The following GNAQ variants were observed in gnomAD, a reference collection of about 807,000 sequenced individuals.
The protein encoded by GNAQ is G protein subunit alpha q.
GNAQ carries 8 observed loss-of-function variants against 43.9 expected under a neutral mutation model. The ratio of observed to expected loss-of-function variants is 0.18; its 90% confidence interval spans 0.11 to 0.33. GNAQ has a LOEUF of 0.33. Ranked by LOEUF, GNAQ falls within the 10% of genes least tolerant of loss-of-function variation. The pLI is 1.00. For synonymous variants in GNAQ, 155 were observed against 170.7 expected, an observed-to-expected ratio of 0.91 and a Z score of 0.71; for missense variants, 158 against 450.8, an observed-to-expected ratio of 0.35 and a Z score of 5.88.
At chr9:77,951,926 C>T (rs1301712225) in intron 1 of GNAQ, among the ~76,000 whole-genome samples, 1 of 152,228 alleles carries the variant, frequency 6.6e-6, no homozygotes, top group Admixed American at 6.5e-5. Context: ...GGACATGGAA[C>T]ACAGCATCCA....
At chr9:78,014,581 G>C (rs1823814421) in intron 1 of GNAQ, among the ~76,000 whole-genome samples, 1 of 152,124 alleles carries the variant, frequency 6.6e-6, no homozygotes, top group Non-Finnish European at 1.5e-5. Flanking sequence ...ACTCCAGCCT[G>C]GGTGACAGAG....
intron 2 of GNAQ, among the ~76,000 whole-genome samples, chr9:77,826,948 A>C (rs1486739908): frequency 6.6e-6 from 1 of 152,188 alleles, no homozygotes; most frequent in Admixed American, 6.5e-5. Context: ...CTGTTACAAA[A>C]ACAATCATTT....
At chr9:77,753,342 A>G (rs1825847750) in intron 5 of GNAQ, among the ~76,000 whole-genome samples, 2 of 152,144 alleles carry the variant, frequency 1.3e-5, no homozygotes, top group Non-Finnish European at 2.9e-5. Flanking sequence ...AGGGTAAGAT[A>G]TGAAATAGCT....
chr9:77,836,714 A>C (rs1028323184), intron 2 of GNAQ, among the ~76,000 whole-genome samples: 3 of 152,220 alleles, frequency 2.0e-5, no homozygotes, highest in Admixed American at 6.5e-5. Flanking sequence ...GTATCTGCTG[A>C]ATCTAGTAGT....
intron 2 of GNAQ, among the ~76,000 whole-genome samples, chr9:77,865,896 A>T (rs150926448): frequency 6.6e-6 from 1 of 152,220 alleles, no homozygotes; most frequent in South Asian, 2.1e-4. Context: ...CACTGAGTCA[A>T]TGGTTACTAA....
chr9:77,881,195 A>AC (rs897205481), intron 2 of GNAQ, among the ~76,000 whole-genome samples: 35 of 150,388 alleles, frequency 2.3e-4, no homozygotes, highest in East Asian at 1.2e-3. Flanking sequence ...TTTATGCCGC[A>AC]CCCCCCCCAA....
chr9:77,929,703 T>A lies in GNAQ; in HGVS notation c.137-7358A>T, dbSNP rs145771060. ...AAAAAAAATTAGCCCGGTGTGGTGA[T>A]GTGCGCCTGTAGTTCCTTCGGGAGG... On this transcript the variant is annotated intron_variant, in intron 1 of 6. Coordinates refer to ENST00000286548, the MANE Select transcript of GNAQ (RefSeq NM_002072.5). 1.7e-3 allele frequency among the ~76,000 whole-genome samples: 257 copies of A among 152,136 alleles called. 1 individual carries two copies. The highest frequency in any genetic ancestry group is 6.0e-3 in the African/African-American group (248 of 41,512).
intron 1 of GNAQ, among the ~76,000 whole-genome samples, chr9:77,954,843 G>A (rs573621504): frequency 1.8e-3 from 273 of 152,230 alleles, no homozygotes; most frequent in Non-Finnish European, 2.9e-3. Flanking sequence ...TCATTCCTGT[G>A]TTAACCACCA....
intron 2 of GNAQ, among the ~76,000 whole-genome samples, chr9:77,911,372 T>C (rs1354111002): frequency 6.6e-6 from 1 of 152,212 alleles, no homozygotes; most frequent in Non-Finnish European, 1.5e-5. Context: ...TACGTGTGTA[T>C]GTGGATACAT....
At chr9:77,950,585 T>C (rs750467154) in intron 1 of GNAQ, among the ~76,000 whole-genome samples, 1 of 152,234 alleles carries the variant, frequency 6.6e-6, no homozygotes, top group Non-Finnish European at 1.5e-5. Context: ...TGTTTACAGG[T>C]AGTTATCTCT....
chr9:78,019,757 T>C (rs749024150), intron 1 of GNAQ, among the ~76,000 whole-genome samples: 4 of 151,766 alleles, frequency 2.6e-5, no homozygotes, highest in Non-Finnish European at 5.9e-5. Context: ...ACCCCGTCTC[T>C]ACTGAAAACA....
intron 2 of GNAQ, among the ~76,000 whole-genome samples, chr9:77,849,290 A>C (rs1219708567): frequency 6.6e-6 from 1 of 152,162 alleles, no homozygotes; most frequent in African/African-American, 2.4e-5. Context: ...GCATCCTAAA[A>C]CTATCTAAAA....
At chr9:77,943,891 T>A (rs1829350248) in intron 1 of GNAQ, among the ~76,000 whole-genome samples, 1 of 151,944 alleles carries the variant, frequency 6.6e-6, no homozygotes, top group Non-Finnish European at 1.5e-5. Context: ...GGTCTCCAAC[T>A]CCCTACCTCA....
chr9:77,836,447 T>C (rs569821919), intron 2 of GNAQ, among the ~76,000 whole-genome samples: 5 of 152,320 alleles, frequency 3.3e-5, no homozygotes, highest in African/African-American at 1.2e-4. Flanking sequence ...GGTAATCTTA[T>C]TCGGTTTGAA....
At chr9:77,996,550 G>C (rs1242543800) in intron 1 of GNAQ, among the ~76,000 whole-genome samples, 2 of 151,752 alleles carry the variant, frequency 1.3e-5, no homozygotes, top group East Asian at 3.9e-4. Context: ...TGGTGGCACA[G>C]GCCTGTAATC....
intron 2 of GNAQ, among the ~76,000 whole-genome samples, chr9:77,852,992 C>G (rs1296139135): frequency 6.6e-6 from 1 of 152,212 alleles, no homozygotes; most frequent in Admixed American, 6.5e-5. Flanking sequence ...CCTTCAAGAA[C>G]GTCCAGATGG....
At chr9:77,759,553 A>C (rs548429261) in intron 5 of GNAQ, among the ~76,000 whole-genome samples, 32 of 152,294 alleles carry the variant, frequency 2.1e-4, no homozygotes, top group African/African-American at 6.7e-4. Context: ...CGTGACTCTA[A>C]GTACTGCTCC....
chr9:77,912,926 A>T (rs1828832283), intron 2 of GNAQ, among the ~76,000 whole-genome samples: 1 of 152,174 alleles, frequency 6.6e-6, no homozygotes, highest in Non-Finnish European at 1.5e-5. Context: ...GCTTGAGCCC[A>T]GGAGTTCTTG....
At chr9:77,994,889 T>C (rs1378511401) in intron 1 of GNAQ, among the ~76,000 whole-genome samples, 1 of 152,232 alleles carries the variant, frequency 6.6e-6, no homozygotes, top group African/African-American at 2.4e-5. Context: ...TCAGCTTAAG[T>C]TTCTCCACTT....
Sources: gnomAD v4.1 joint callset for allele counts (sites outside exome capture counted in the v4.1 genomes callset) on GRCh38, gnomAD v4.1.1 for gene constraint, MANE v1.5 for transcripts, NCBI Gene and HGNC (gene_info 2026-07-23, HGNC 2026-07-21) for gene names.